TG: variants seen among roughly 807,000 people sequenced by gnomAD.
TG encodes the protein thyroid hormones.
TG carries 270 observed loss-of-function variants against 324.7 expected under a neutral mutation model. That is an observed-to-expected ratio of 0.83 (90% CI 0.75 to 0.92). The LOEUF is 0.92. TG is among the 40% of genes least tolerant of loss of function. The probability of loss-of-function intolerance (pLI) is 0.00; values close to 1 mark genes in which losing one functional copy is unlikely to be tolerated. For synonymous variants in TG, 1,401 were observed against 1,327.0 expected, an observed-to-expected ratio of 1.06 and a Z score of -1.21; for missense variants, 3,591 against 3,456.4, an observed-to-expected ratio of 1.04 and a Z score of -0.98.
intron 45 of TG, among the ~76,000 whole-genome samples, chr8:133,124,323 A>T (rs1285162746): frequency 6.6e-6 from 1 of 152,206 alleles, no homozygotes; most frequent in African/African-American, 2.4e-5. Flanking sequence ...AGATGTTTCA[A>T]CAAGACCACA....
At chr8:133,032,580 C>T (rs1481018039) in intron 41 of TG, among the ~76,000 whole-genome samples, 1 of 152,170 alleles carries the variant, frequency 6.6e-6, no homozygotes, top group Non-Finnish European at 1.5e-5. Flanking sequence ...TACAACTGCT[C>T]CCAGCAGTCC....
chr8:133,051,061 G>A (rs1840320135), intron 41 of TG: 1 of 619,766 alleles, frequency 1.6e-6, no homozygotes, highest in East Asian at 2.8e-5. Context: ...TTACAGCAAG[G>A]TCCTCTCTTC....
At position 132,908,192 on chromosome 8, in the gene TG, A is replaced by G. The variant is rs1230747024; in HGVS notation, c.3854A>G (p.Gln1285Arg). 1 of 1,613,868 alleles carries G rather than the reference A, an allele frequency of 6.2e-7. No individual in the cohort carries two copies. Among genetic ancestry groups the G allele is most frequent in the African/African-American group, 1.3e-5 (1 of 74,922 alleles). The change falls in exon 18 of 48, where the codon CAG (glutamine) becomes CGG (arginine). Residue 1285 changes from glutamine (Q) to arginine (R), a missense_variant. By Grantham distance (43) the Gln-to-Arg change is conservative (BLOSUM62 1). Transcript: ENST00000220616. ...CTCTGGTGCTTGCCTGCAGGGCCCC[A>G]GCTGTGGCAGACCATCCAGACCCAA... The part of the protein sequence containing the change: ...LPQPRACQRP[Q>R]LWQTIQTQGH...
At position 132,887,121 on chromosome 8, in the gene TG, T is replaced by C; in HGVS notation, c.1749T>C (p.His583=). 6.2e-7 allele frequency: 1 copy of C among 1,614,256 alleles called. No individual in the cohort carries two copies. The highest frequency in any genetic ancestry group is 8.5e-7 in the Non-Finnish European group (1 of 1,180,054). The change falls in exon 9 of 48, where the codon CAT becomes CAC. Residue 583 remains histidine, a synonymous_variant. Transcript: ENST00000220616. ...CAGAATTCCTTCTCTTCTTGCAACA[T>C]GCTATCTCTGTGCCAGAAGATGTGG... ...ELPEFLLFLQ[H]AISVPEDVAR... is the part of the protein sequence containing the mutation.
At chr8:132,920,015 C>T (rs1820892826) in intron 21 of TG, among the ~76,000 whole-genome samples, 1 of 152,170 alleles carries the variant, frequency 6.6e-6, no homozygotes, top group Non-Finnish European at 1.5e-5. Flanking sequence ...TGTAACTGGT[C>T]TTTGATCTTG....
intron 35 of TG, among the ~76,000 whole-genome samples, chr8:132,997,430 T>A (rs1176133445): frequency 6.6e-6 from 1 of 152,132 alleles, no homozygotes; most frequent in Non-Finnish European, 1.5e-5. Flanking sequence ...TCAGTGGTAT[T>A]TGAAGTCGTA....
chr8:133,050,699 T>C, intron 41 of TG: 1 of 706,440 alleles, frequency 1.4e-6, no homozygotes, highest in Non-Finnish European at 2.5e-6. Context: ...TCTCACCTCA[T>C]AATAGGACCA....
intron 45 of TG, among the ~76,000 whole-genome samples, chr8:133,120,968 G>C (rs1188032015): frequency 1.3e-5 from 2 of 152,168 alleles, no homozygotes; most frequent in East Asian, 3.9e-4. Context: ...GCCAGTGTGG[G>C]TTTCTCTGTT....
chr8:132,946,422 T>G (rs1825304427), intron 26 of TG, among the ~76,000 whole-genome samples: 1 of 152,200 alleles, frequency 6.6e-6, no homozygotes, highest in African/African-American at 2.4e-5. Flanking sequence ...AAGCCTTCTT[T>G]GAGATACACA....
At chr8:133,108,883 G>T (rs887070076) in intron 43 of TG, among the ~76,000 whole-genome samples, 1 of 152,236 alleles carries the variant, frequency 6.6e-6, no homozygotes, top group Non-Finnish European at 1.5e-5. Context: ...GGGGCCCCTG[G>T]TTTAGCCCGG....
intron 35 of TG, among the ~76,000 whole-genome samples, chr8:132,994,331 G>T (rs1832668650): frequency 6.6e-6 from 1 of 152,166 alleles, no homozygotes; most frequent in African/African-American, 2.4e-5. Flanking sequence ...TTTCAGGGGT[G>T]TTCACAGTTT....
intron 35 of TG, chr8:132,994,987 T>C (rs1187372696): frequency 1.4e-5 from 14 of 975,730 alleles, no homozygotes; most frequent in Non-Finnish European, 1.7e-5. Flanking sequence ...CTTTAAATTT[T>C]GTAATTCTCA....
At position 132,935,795 on chromosome 8, in the gene TG, G is replaced by C. The variant is rs1157629555; in HGVS notation, c.4972G>C (p.Gly1658Arg). The C allele has an allele frequency of 6.2e-7, 1 of 1,612,838 alleles. No individual in the cohort carries two copies. Among genetic ancestry groups the C allele is most frequent in the Non-Finnish European group, 8.5e-7 (1 of 1,180,026 alleles). Residue 1658 changes from glycine (G) to arginine (R), a missense_variant, in exon 25 of 48, where the codon GGA becomes CGA. Transcript: ENST00000220616. Reference protein sequence around the residue: ...ALGNSKATSFGSLRCQVKVRS... With the variant: ...ALGNSKATSFRSLRCQVKVRS... ...GGGGAACTCAAAGGCCACCAGCTTT[G>C]GAAGTCTTCGCTGCCAGGTGAAAGT...
chr8:133,089,328 CT>C (rs759488221), intron 41 of TG, among the ~76,000 whole-genome samples: 3 of 152,210 alleles, frequency 2.0e-5, no homozygotes, highest in Non-Finnish European at 4.4e-5. Context: ...CCATCAGAAG[CT>C]CACATTCAGG....
chr8:133,124,492 A>C (rs1244677097), intron 45 of TG, among the ~76,000 whole-genome samples: 1 of 152,194 alleles, frequency 6.6e-6, no homozygotes, highest in Non-Finnish European at 1.5e-5. Flanking sequence ...AATCAACTAG[A>C]GTTTTAATCC....
chr8:133,102,460 T>C, intron 43 of TG: 1 of 1,133,796 alleles, frequency 8.8e-7, no homozygotes, highest in Non-Finnish European at 1.3e-6. Flanking sequence ...ACAGGATCCA[T>C]CAAGTCCCTC....
At chr8:132,906,027 T>C (rs1353051215) in intron 16 of TG, among the ~76,000 whole-genome samples, 1 of 152,156 alleles carries the variant, frequency 6.6e-6, no homozygotes, top group African/African-American at 2.4e-5. Flanking sequence ...AGAGCTGATA[T>C]TCGGCTCTGG....
intron 22 of TG, among the ~76,000 whole-genome samples, chr8:132,927,176 G>A (rs189355708): frequency 2.0e-5 from 3 of 152,232 alleles, no homozygotes; most frequent in Non-Finnish European, 2.9e-5. Context: ...GTACACGTTG[G>A]AATTGTGCCA....
rs1387480213 is a variant in TG at position 132,869,714 on chromosome 8, G to T, written c.177-15G>T. On this transcript the variant is annotated splice_polypyrimidine_tract_variant and intron_variant, in intron 2 of 47. Transcript: ENST00000220616. The stretch of plus-strand genomic sequence containing the variant: ...GGCCCATCCCAGGGTCACCTGGTCT[G>T]TGTCTCCTCCTCAGGACTGTCCAGT... 6.2e-7 allele frequency: 1 copy of T among 1,613,348 alleles called. No homozygotes were observed. The highest frequency in any genetic ancestry group is 1.3e-5 in the African/African-American group (1 of 74,938).
Sources: allele counts gnomAD v4.1 joint callset (sites outside exome capture counted in the v4.1 genomes callset), GRCh38; gene constraint gnomAD v4.1.1; transcripts MANE v1.5; gene names NCBI Gene and HGNC (gene_info 2026-07-23, HGNC 2026-07-21).